The following KCNAB3 variants were observed in gnomAD, a reference collection of about 807,000 sequenced individuals.
KCNAB3 encodes the protein potassium voltage-gated channel subfamily A regulatory beta subunit 3.
A neutral mutation model predicts 67.7 loss-of-function variants in KCNAB3; 62 were observed. The ratio of observed to expected loss-of-function variants is 0.92; its 90% CI spans 0.75 to 1.13. The LOEUF is 1.13. KCNAB3 is among the 50% of genes most tolerant of loss of function. The pLI, the probability that KCNAB3 is intolerant of heterozygous loss-of-function variation, is 0.00. For missense variants in KCNAB3, 514 were observed against 522.9 expected, an observed-to-expected ratio of 0.98 and a Z score of 0.17; for synonymous variants, 212 against 205.4, an observed-to-expected ratio of 1.03 and a Z score of -0.27.
rs750657978 is a variant in KCNAB3, at chr17:7,923,212, C to T, written c.1138-33G>A. 19 of 1,599,866 alleles carry T rather than the reference C, an allele frequency of 1.2e-5. No individual in the cohort carries two copies. In the South Asian group the frequency reaches 2.0e-4, roughly 17 times the overall value. ...AGAGTGGGACGGTGGCGACGGCAGC[C>T]CATGCTGGGTCACTGAGAAAGGGCA... On this transcript the variant is annotated intron_variant, in intron 13 of 13. Transcript: ENST00000303790.
chr17:7,925,303 G>T, intron 7 of KCNAB3, 120 bp from the exon 8 acceptor site: 1 of 727,832 alleles, frequency 1.4e-6, no homozygotes, highest in Non-Finnish European at 2.4e-6. Context: ...CGAGGTGGGC[G>T]GATCACCTGA....
At position 7,929,278 on chromosome 17, in the gene KCNAB3, G is replaced by GCCT; in HGVS notation, c.155_157dup (p.Lys52_Ala53insGlu). The GCCT allele has an allele frequency of 6.3e-7, 1 of 1,596,880 alleles. No individual in the cohort carries two copies. The highest frequency in any genetic ancestry group is 1.7e-5 in the Admixed American group (1 of 58,008). On this transcript the variant is annotated inframe_insertion, in exon 1 of 14. Coordinates refer to ENST00000303790, the MANE Select transcript of KCNAB3 (RefSeq NM_004732.4). The surrounding 1 kb of genome is among the most constrained non-coding windows in gnomAD (Gnocchi z 5.7). ...GGGTCGGGGAACCAGTGCAGCTCGG[G>GCCT]CCTTGGGGCCAGACCCTCCACCCCC...
In KCNAB3 at chr17:7,929,216, G is replaced by A. The variant is rs889983798; in HGVS notation, c.220C>T (p.Arg74Ter). Residue 74 changes from arginine (R) to a stop codon, truncating the protein, a stop_gained, in exon 1 of 14, where the codon CGA becomes TGA. Coordinates refer to ENST00000303790, the MANE Select transcript of KCNAB3 (RefSeq NM_004732.4). LOFTEE classifies it high-confidence loss of function. The surrounding 1 kb of genome is among the most constrained non-coding windows in gnomAD (Gnocchi z 5.7). ...TACCTGTATTTCATGCCAGTGCCTCGGCCGGTGCTCTCTCGGAGGGCCCCA... is the reference window on the plus strand; with the variant it reads ...TACCTGTATTTCATGCCAGTGCCTCAGCCGGTGCTCTCTCGGAGGGCCCCA... ...PAGALRESTG[R>*]GTGMKYRNLG... 1.9e-6 allele frequency: 3 copies of A among 1,611,834 alleles called. No homozygotes were observed. Among genetic ancestry groups the A allele is most frequent in the Non-Finnish European group, 2.5e-6 (3 of 1,179,580 alleles).
chr17:7,923,205 C>T (rs2151713670), intron 13 of KCNAB3, 26 bp from the exon 14 acceptor site: 3 of 1,608,122 alleles, frequency 1.9e-6, no homozygotes, highest in South Asian at 2.2e-5. Context: ...ACGGTGGCGA[C>T]GGCAGCCCAT....
Position 7,929,004 on chromosome 17 carries a change from C to T in KCNAB3, c.242+190G>A. ...CCAGTCAACCTTGGTAAACTTGATT[C>T]TCGTAGTCAGGGGTATCGACAGAAA... is the stretch of plus-strand genomic sequence containing the variant. On this transcript the variant is annotated intron_variant, in intron 1 of 13. Transcript: ENST00000303790. This position sits in a 1 kb window ranked among gnomAD's most constrained non-coding sequence, Gnocchi z 5.7. The T allele has an allele frequency of 2.2e-6, 2 of 902,060 alleles. No individual in the cohort carries two copies. The highest frequency in any genetic ancestry group is 3.3e-6 in the Non-Finnish European group (2 of 609,816). 55.9% of individuals were successfully genotyped at this position (902,060 alleles called of 1,614,324 possible). A position where few individuals can be genotyped will look rare whatever the true frequency, so the allele number is the denominator to read the frequency against.
Position 7,929,276 on chromosome 17 carries a change from G to A in KCNAB3, c.160C>T (p.Arg54Ter), listed in dbSNP as rs1426760520. ...PGGGGSGPKA[R>*]AALVPRPPAP... ...GGGGGTCGGGGAACCAGTGCAGCTC[G>A]GGCCTTGGGGCCAGACCCTCCACCC... The change falls in exon 1 of 14, where the codon CGA becomes TGA. Residue 54 changes from arginine to a stop codon, truncating the protein, a stop_gained. Coordinates refer to ENST00000303790, the MANE Select transcript of KCNAB3 (RefSeq NM_004732.4). LOFTEE classifies it high-confidence loss of function. This position sits in a 1 kb window ranked among gnomAD's most constrained non-coding sequence, Gnocchi z 5.7. The A allele has an allele frequency of 1.9e-6, 3 of 1,596,514 alleles. No homozygotes were observed. Among genetic ancestry groups the A allele is most frequent in the Non-Finnish European group, 2.6e-6 (3 of 1,172,348 alleles).
At chr17:7,925,321 A>G (rs1364435946) in intron 7 of KCNAB3, 138 bp from the exon 8 acceptor site, 2 of 644,432 alleles carry the variant, frequency 3.1e-6, no homozygotes, top group African/African-American at 3.7e-5. Flanking sequence ...TGAGGTCAGG[A>G]GTTTGAGACC....
At chr17:7,927,297 C>T in intron 4 of KCNAB3, 47 bp downstream of exon 4, 2 of 1,522,764 alleles carry the variant, frequency 1.3e-6, no homozygotes, top group Non-Finnish European at 1.8e-6. Context: ...CCCTGGGGTC[C>T]TCTCAGCCTT....
In KCNAB3 at chr17:7,923,562, A is replaced by G. The variant is rs768518711; in HGVS notation, c.1049-18T>C. The stretch of plus-strand genomic sequence containing the variant: ...ACACCACGCTGGGGCCAGAGGAGGA[A>G]AAAAAGAGGACTGATGGGGAACAGT... On this transcript the variant is annotated intron_variant, in intron 12 of 13. Transcript: ENST00000303790. 7 of 1,588,196 alleles carry G rather than the reference A, an allele frequency of 4.4e-6. No individual in the cohort carries two copies. The South Asian group carries it at 5.7e-5, about 13-fold the overall frequency.
chr17:7,924,894 C>T (rs1300972738), intron 8 of KCNAB3: 7 of 577,452 alleles, frequency 1.2e-5, no homozygotes, highest in Admixed American at 6.2e-5. Flanking sequence ...AAGGCACACA[C>T]CACCACAGCC....
Position 7,925,717 on chromosome 17 carries a change from G to A in KCNAB3, c.504C>T (p.Thr168=), listed in dbSNP as rs147020421. 49 of 1,613,826 alleles carry A rather than the reference G, an allele frequency of 3.0e-5. 1 individual carries two copies. In the African/African-American group the frequency reaches 3.7e-4, roughly 12 times the overall value. The change falls in exon 7 of 14, where the codon ACC becomes ACT. Residue 168 remains threonine (T), a synonymous_variant. Coordinates refer to ENST00000303790, the MANE Select transcript of KCNAB3 (RefSeq NM_004732.4). ...TGTGCTTTCGGCTTAAACCTCGCTC[G>A]GTTTCTGCCCTGTAGGAAAAGGTAA... The part of the protein sequence containing the change: ...TKIFWGGQAE[T]ERGLSRKHII...
Position 7,922,331 on chromosome 17 carries a change from C to T in KCNAB3, c.*771G>A, listed in dbSNP as rs1313444123. The stretch of plus-strand genomic sequence containing the variant: ...TGCTCAAGGCTCAAAAGTCTATACC[C>T]AGACGTTTTATTTATTTATTTTTTT... On this transcript the variant is annotated 3_prime_UTR_variant, in exon 14 of 14. Coordinates refer to ENST00000303790, the MANE Select transcript of KCNAB3 (RefSeq NM_004732.4). The T allele has an allele frequency of 6.6e-6, 1 of 152,214 alleles. No homozygotes were observed. Among genetic ancestry groups the T allele is most frequent in the Non-Finnish European group, 1.5e-5 (1 of 68,048 alleles). 9.4% of individuals were successfully genotyped at this position (152,214 alleles called of 1,614,324 possible).
At chr17:7,925,896 G>A in intron 6 of KCNAB3, 35 bp downstream of exon 6, 1 of 1,572,682 alleles carries the variant, frequency 6.4e-7, no homozygotes, top group South Asian at 1.1e-5. Flanking sequence ...TTCTTTGTAG[G>A]CCTTCTCCAC....
At chr17:7,925,051 G>A (rs1231599527) in intron 8 of KCNAB3, 46 bp downstream of exon 8, 1 of 1,556,858 alleles carries the variant, frequency 6.4e-7, no homozygotes, top group East Asian at 2.3e-5. Flanking sequence ...CAGCAAGGAA[G>A]TGCTCAGTTT....
Position 7,929,733 on chromosome 17 carries a change from A to C in KCNAB3, c.-298T>G. ...AAATGGATGAGGGTAAAGGTCGAGG[A>C]TGAGGTAAAGGTCTCGGAGGATAAG... On this transcript the variant is annotated 5_prime_UTR_variant, in exon 1 of 14. Coordinates refer to ENST00000303790, the MANE Select transcript of KCNAB3 (RefSeq NM_004732.4). This position sits in a 1 kb window ranked among gnomAD's most constrained non-coding sequence, Gnocchi z 5.7. The C allele has an allele frequency of 7.9e-7, 1 of 1,267,032 alleles. No homozygotes were observed. The highest frequency in any genetic ancestry group is 1.0e-6 in the Non-Finnish European group (1 of 999,684). The allele number at this position is 1,267,032 out of a possible 1,614,324, so 78.5% of individuals were successfully genotyped here. A position where few individuals can be genotyped will look rare whatever the true frequency, so the allele number is the denominator to read the frequency against.
Position 7,923,526 on chromosome 17 carries a change from T to G in KCNAB3, c.1067A>C (p.Glu356Ala), listed in dbSNP as rs1387007948. The change falls in exon 13 of 14, where the codon GAG becomes GCG. Residue 356 changes from glutamate (E) to alanine (A), a missense_variant. By Grantham distance (107) the Glu-to-Ala change is moderately radical. Transcript: ENST00000303790. Reference protein sequence around the residue: ...QLAIAWCLRSEGVSSVLLGVS... With the variant: ...QLAIAWCLRSAGVSSVLLGVS... ...CCCCAGCAAGACAGAGCTGACACCC[T>G]CACTGCGGAGACACCACGCTGGGGC... 3 of 1,611,264 alleles carry G rather than the reference T, an allele frequency of 1.9e-6. No homozygotes were observed. The African/African-American group carries it at 4.0e-5, about 22-fold the overall frequency.
In KCNAB3 at chr17:7,929,385, A is replaced by G. The variant is rs969702977; in HGVS notation, c.51T>C (p.Ser17=). Residue 17 remains serine, a synonymous_variant, in exon 1 of 14, where the codon AGT becomes AGC. Transcript: ENST00000303790. The surrounding 1 kb of genome is among the most constrained non-coding windows in gnomAD (Gnocchi z 5.7). ...CTEQNLRSRS[S]EDRLCGPRPG... ...GCCGGGGTCCACACAGACGGTCCTC[A>G]CTGCTCCGGCTGCGAAGGTTCTGCT... 1.3e-6 allele frequency: 2 copies of G among 1,548,526 alleles called. No homozygotes were observed. The highest frequency in any genetic ancestry group is 2.7e-5 in the African/African-American group (2 of 73,008).
At position 7,926,499 on chromosome 17, in the gene KCNAB3, T is replaced by C. The variant is rs79534288; in HGVS notation, c.405-396A>G. ...CCCGTCCTCCAAAGCTCAGCTCAAA[T>C]TCTGCCTCATCCATAATGTGTTCTC... is the stretch of plus-strand genomic sequence containing the variant. On this transcript the variant is annotated intron_variant, in intron 4 of 13. Transcript: ENST00000303790. Among the ~76,000 whole-genome samples the C allele has an allele frequency of 0.011, 1,620 of 152,290 alleles. 77 individuals are homozygous for C. The South Asian group carries it at 0.13, about 12-fold the overall frequency.
chr17:7,922,846 C>G lies in KCNAB3; in HGVS notation c.*256G>C. 1 of 547,842 alleles carries G rather than the reference C, an allele frequency of 1.8e-6. No homozygotes were observed. Among genetic ancestry groups the G allele is most frequent in the Non-Finnish European group, 3.3e-6 (1 of 302,842 alleles). The allele number at this position is 547,842 out of a possible 1,614,324, so 33.9% of individuals were successfully genotyped here. A position where few individuals can be genotyped will look rare whatever the true frequency, so the allele number is the denominator to read the frequency against. On this transcript the variant is annotated 3_prime_UTR_variant, in exon 14 of 14. Transcript: ENST00000303790. The stretch of plus-strand genomic sequence containing the variant: ...GGCAGAGAGCCGACGGCGAGTAGCT[C>G]ATGCCCGGGATTTGCAAGAAGGGCC...
Sources: gnomAD v4.1 joint callset for allele counts (sites outside exome capture counted in the v4.1 genomes callset) on GRCh38, gnomAD v4.1.1 for gene constraint, Gnocchi (gnomAD v3.1) non-coding constraint, MANE v1.5 for transcripts, NCBI Gene and HGNC (gene_info 2026-07-23, HGNC 2026-07-21) for gene names.